Variants in ARB2A observed in about 807,000 individuals in gnomAD.
ARB2A encodes ARB2 cotranscriptional regulator A.
At chr5:94,098,855 C>G in the ARB2A span, among the ~76,000 whole-genome samples, 144 of 152,240 alleles carry the variant, frequency 9.5e-4, no homozygotes, top group African/African-American at 3.4e-3. Flanking sequence ...AACACCTCTA[C>G]GCAAACAAAC....
chr5:93,840,672 T>C, the ARB2A span, among the ~76,000 whole-genome samples: 3 of 152,162 alleles, frequency 2.0e-5, no homozygotes, highest in Non-Finnish European at 2.9e-5. Flanking sequence ...TCTTGGACAC[T>C]AGACACTTGA....
the ARB2A span, among the ~76,000 whole-genome samples, chr5:94,004,998 C>CCAAAAAAAAAAA: frequency 1.6e-4 from 2 of 12,552 alleles, no homozygotes; most frequent in Admixed American, 1.1e-3. Context: ...ATTTTATCAG[C>CCAAAAAAAAAAA]AAAAAAAAAA....
At chr5:93,872,339 A>G in the ARB2A span, among the ~76,000 whole-genome samples, 1 of 152,174 alleles carries the variant, frequency 6.6e-6, no homozygotes, top group Non-Finnish European at 1.5e-5. Context: ...AGATGTAGGA[A>G]CTGAAACAGT....
the ARB2A span, among the ~76,000 whole-genome samples, chr5:93,855,930 A>C: frequency 2.6e-5 from 4 of 152,028 alleles, no homozygotes; most frequent in Non-Finnish European, 5.9e-5. Context: ...AAAGGAACGC[A>C]GTTCCTCACC....
the ARB2A span, among the ~76,000 whole-genome samples, chr5:93,772,585 T>C: frequency 6.6e-6 from 1 of 152,238 alleles, no homozygotes; most frequent in Non-Finnish European, 1.5e-5. Context: ...CTCACAGTTT[T>C]TGTGGGTCAG....
chr5:94,044,521 T>C, the ARB2A span, among the ~76,000 whole-genome samples: 1 of 152,060 alleles, frequency 6.6e-6, no homozygotes, highest in Non-Finnish European at 1.5e-5. Flanking sequence ...AGATAGATCT[T>C]CATCCCTCTG....
At chr5:93,653,068 A>G in the ARB2A span, among the ~76,000 whole-genome samples, 1 of 152,104 alleles carries the variant, frequency 6.6e-6, no homozygotes, top group African/African-American at 2.4e-5. Context: ...TAAAAATAAT[A>G]CTTACATTAT....
At chr5:93,834,918 C>T in the ARB2A span, among the ~76,000 whole-genome samples, 71 of 152,152 alleles carry the variant, frequency 4.7e-4, no homozygotes, top group African/African-American at 1.7e-3. Context: ...TGCAAACATA[C>T]TAAATCTATT....
chr5:93,985,722 G>C, the ARB2A span, among the ~76,000 whole-genome samples: 1 of 152,218 alleles, frequency 6.6e-6, no homozygotes, highest in Non-Finnish European at 1.5e-5. Flanking sequence ...CGCTCACTCA[G>C]TACTCAATGT....
the ARB2A span, among the ~76,000 whole-genome samples, chr5:93,662,467 G>A: frequency 1.3e-5 from 2 of 152,072 alleles, no homozygotes; most frequent in African/African-American, 2.4e-5. Context: ...ACACAGATGC[G>A]TTAAGATATA....
chr5:93,939,746 T>C, the ARB2A span, among the ~76,000 whole-genome samples: 7 of 152,104 alleles, frequency 4.6e-5, no homozygotes, highest in African/African-American at 1.7e-4. Flanking sequence ...ATTCTGTAGT[T>C]TTCATTTATA....
chr5:93,899,398 G>T, the ARB2A span, among the ~76,000 whole-genome samples: 1 of 151,868 alleles, frequency 6.6e-6, no homozygotes, highest in African/African-American at 2.4e-5. Flanking sequence ...GTTCTTTTTC[G>T]TTCTGGTGAT....
chr5:93,638,133 A>G, the ARB2A span, among the ~76,000 whole-genome samples: 1 of 152,234 alleles, frequency 6.6e-6, no homozygotes, highest in East Asian at 1.9e-4. Flanking sequence ...AAACATTGCC[A>G]TATGTGACAC....
the ARB2A span, among the ~76,000 whole-genome samples, chr5:93,803,222 A>C: frequency 6.6e-6 from 1 of 152,086 alleles, no homozygotes; most frequent in Non-Finnish European, 1.5e-5. Flanking sequence ...GGCACTAAAC[A>C]TCAAGTAATT....
At chr5:93,912,910 T>A in the ARB2A span, among the ~76,000 whole-genome samples, 71 of 151,512 alleles carry the variant, frequency 4.7e-4, no homozygotes, top group East Asian at 9.7e-4. Flanking sequence ...ACCATTTTTT[T>A]AAAAAAAAAT....
the ARB2A span, among the ~76,000 whole-genome samples, chr5:93,928,671 G>C: frequency 6.6e-6 from 1 of 152,024 alleles, no homozygotes; most frequent in Non-Finnish European, 1.5e-5. Flanking sequence ...AAATTAGATC[G>C]TAAGAGTTAG....
At chr5:93,686,643 T>G in the ARB2A span, among the ~76,000 whole-genome samples, 2 of 152,204 alleles carry the variant, frequency 1.3e-5, no homozygotes, top group African/African-American at 4.8e-5. Flanking sequence ...CATTGTGTTT[T>G]CCTAATCTGC....
At chr5:93,921,206 GT>G in the ARB2A span, among the ~76,000 whole-genome samples, 1 of 149,644 alleles carries the variant, frequency 6.7e-6, no homozygotes, top group East Asian at 2.0e-4. Context: ...AGCTACAGCT[GT>G]GCCAGCAGGT....
the ARB2A span, among the ~76,000 whole-genome samples, chr5:93,869,082 A>G: frequency 6.6e-6 from 1 of 152,240 alleles, no homozygotes; most frequent in South Asian, 2.1e-4. Flanking sequence ...TATTAGCTGT[A>G]TAACTATGAG....
Sources: gnomAD v4.1 joint callset for allele counts (sites outside exome capture counted in the v4.1 genomes callset) on GRCh38, gnomAD v4.1.1 for gene constraint, MANE v1.5 for transcripts, NCBI Gene and HGNC (gene_info 2026-07-23, HGNC 2026-07-21) for gene names.